The following NAA15 variants were observed in gnomAD, a reference collection of about 807,000 sequenced individuals.
NAA15 encodes the protein N-terminal acetyltransferase.
NAA15 carries 34 observed loss-of-function variants against 114.0 expected under a neutral mutation model. The ratio of observed to expected loss-of-function variants is 0.30; its 90% confidence interval spans 0.23 to 0.40. The LOEUF (loss-of-function observed/expected upper bound fraction) is 0.40. NAA15 is among the 10% of genes least tolerant of loss of function. NAA15 has a pLI of 1.00. For synonymous variants in NAA15, 340 were observed against 338.0 expected (o/e 1.01, Z -0.06); for missense variants, 658 against 1,004.5 (o/e 0.66, Z 4.66).
intron 1 of NAA15, among the ~76,000 whole-genome samples, chr4:139,315,001 T>TTTAGTTTAGG (rs1746343329): frequency 1.3e-5 from 1 of 74,356 alleles, no homozygotes; most frequent in Admixed American, 1.5e-4. Flanking sequence ...TTCAGTTCAG[T>TTTAGTTTAGG]TTAGTTTAGG....
intron 17 of NAA15, among the ~76,000 whole-genome samples, chr4:139,381,683 A>G (rs1001502111): frequency 6.6e-6 from 1 of 152,148 alleles, no homozygotes; most frequent in Non-Finnish European, 1.5e-5. Context: ...CTCACACAAA[A>G]TAAGAACATT....
intron 1 of NAA15, chr4:139,318,405 A>C (rs1256726935): frequency 6.6e-6 from 1 of 152,176 alleles, no homozygotes; most frequent in Non-Finnish European, 1.5e-5. Context: ...CATATACTAA[A>C]ATTGGAACAA....
chr4:139,355,767 G>GA (rs1747929762), intron 10 of NAA15, among the ~76,000 whole-genome samples: 1 of 152,080 alleles, frequency 6.6e-6, no homozygotes, highest in Non-Finnish European at 1.5e-5. Context: ...TTTTGCTTTT[G>GA]TTTTTTAAAC....
At chr4:139,304,061 G>T (rs1332217471) in intron 1 of NAA15, among the ~76,000 whole-genome samples, 1 of 152,162 alleles carries the variant, frequency 6.6e-6, no homozygotes, top group East Asian at 1.9e-4. Flanking sequence ...GGGACTACAG[G>T]TGCCCGCCAC....
intron 1 of NAA15, among the ~76,000 whole-genome samples, chr4:139,309,126 T>C (rs994148792): frequency 2.6e-5 from 4 of 151,154 alleles, no homozygotes; most frequent in Non-Finnish European, 5.9e-5. Flanking sequence ...GGCGGGTGGA[T>C]CACCTGAGGT....
intron 1 of NAA15, among the ~76,000 whole-genome samples, chr4:139,308,097 G>A (rs1404849523): frequency 6.6e-6 from 1 of 151,944 alleles, no homozygotes; most frequent in African/African-American, 2.4e-5. Context: ...GAGTAGCTGA[G>A]ACTACAGGCA....
intron 1 of NAA15, among the ~76,000 whole-genome samples, chr4:139,320,510 T>C (rs1465455845): frequency 6.6e-6 from 1 of 151,958 alleles, no homozygotes; most frequent in Non-Finnish European, 1.5e-5. Context: ...TTTCCCCGGG[T>C]TTTTTATTTA....
intron 10 of NAA15, among the ~76,000 whole-genome samples, chr4:139,354,945 C>G (rs544690542): frequency 6.6e-6 from 1 of 152,276 alleles, no homozygotes; most frequent in Non-Finnish European, 1.5e-5. Flanking sequence ...GGCATGATCT[C>G]AGTTCACTGT....
Position 139,326,869 on chromosome 4 carries a change from A to G in NAA15, c.55-7305A>G, listed in dbSNP as rs141280584. Among the ~76,000 whole-genome samples, 390 of 152,306 alleles carry G rather than the reference A, an allele frequency of 2.6e-3. 2 individuals carry two copies. The highest frequency in any genetic ancestry group is 8.2e-3 in the African/African-American group (342 of 41,572). On this transcript the variant is annotated intron_variant, in intron 1 of 19. Coordinates refer to ENST00000296543, the MANE Select transcript of NAA15 (RefSeq NM_057175.5). ...GACTATAAGTTAGTACTTTTAGTTT[A>G]GGTATGTCATTAATTTTGGGTGTCC...
At chr4:139,313,417 C>A (rs1026648168) in intron 1 of NAA15, among the ~76,000 whole-genome samples, 10 of 151,898 alleles carry the variant, frequency 6.6e-5, no homozygotes, top group African/African-American at 2.4e-4. Context: ...TATTTAGTAT[C>A]TATTTTGAGC....
At chr4:139,304,160 C>A (rs192632132) in intron 1 of NAA15, among the ~76,000 whole-genome samples, 1 of 152,312 alleles carries the variant, frequency 6.6e-6, no homozygotes, top group East Asian at 1.9e-4. Context: ...CCTAGTGATC[C>A]GCCCGCCTCG....
At chr4:139,376,503 A>G in intron 16 of NAA15, 30 bp downstream of exon 16, 1 of 1,272,502 alleles carries the variant, frequency 7.9e-7, no homozygotes, top group Non-Finnish European at 1.1e-6. Context: ...TGGCCCTGAC[A>G]AAACTGATCA....
At chr4:139,367,406 A>G (rs1425672217) in intron 14 of NAA15, among the ~76,000 whole-genome samples, 1 of 152,202 alleles carries the variant, frequency 6.6e-6, no homozygotes, top group Non-Finnish European at 1.5e-5. Context: ...TCTGACCAGT[A>G]AAATATTGAG....
chr4:139,385,705 C>T (rs184278713), intron 18 of NAA15, among the ~76,000 whole-genome samples: 68 of 152,238 alleles, frequency 4.5e-4, no homozygotes, highest in Non-Finnish European at 9.4e-4. Context: ...CTTTGTATAC[C>T]TTTGTGGAAT....
At chr4:139,308,446 G>C (rs1485824363) in intron 1 of NAA15, among the ~76,000 whole-genome samples, 1 of 152,124 alleles carries the variant, frequency 6.6e-6, no homozygotes, top group Admixed American at 6.5e-5. Flanking sequence ...CAGAATTCCA[G>C]TTTTGCAACT....
At chr4:139,385,048 A>C (rs1474885639) in intron 18 of NAA15, 70 bp downstream of exon 18, 1 of 1,266,906 alleles carries the variant, frequency 7.9e-7, no homozygotes, top group East Asian at 2.6e-5. Context: ...ACAATAATAT[A>C]AGGTACATGT....
chr4:139,371,365 G>A (rs1049587336), intron 15 of NAA15, among the ~76,000 whole-genome samples: 2 of 151,724 alleles, frequency 1.3e-5, no homozygotes, highest in Non-Finnish European at 2.9e-5. Flanking sequence ...TGAGGTGGGA[G>A]GATCACTTGA....
At chr4:139,335,506 C>T (rs1379619519) in intron 2 of NAA15, among the ~76,000 whole-genome samples, 1 of 152,008 alleles carries the variant, frequency 6.6e-6, no homozygotes, top group African/African-American at 2.4e-5. Flanking sequence ...GCTGGGATTA[C>T]AGGCGTGTGC....
chr4:139,385,570 C>T (rs899902894), intron 18 of NAA15, among the ~76,000 whole-genome samples: 4 of 152,050 alleles, frequency 2.6e-5, no homozygotes, highest in African/African-American at 9.7e-5. Context: ...CAGTGCTAAA[C>T]ACCTGAAATT....
Sources: allele counts gnomAD v4.1 joint callset (sites outside exome capture counted in the v4.1 genomes callset), GRCh38; gene constraint gnomAD v4.1.1; transcripts MANE v1.5; gene names NCBI Gene and HGNC (gene_info 2026-07-23, HGNC 2026-07-21).